The following SPATA18 variants were observed in gnomAD, a reference collection of about 807,000 sequenced individuals.
SPATA18 encodes mitochondria-eating protein.
SPATA18 carries 54 observed loss-of-function variants against 68.1 expected under a neutral mutation model. That is an observed-to-expected ratio of 0.79 (90% confidence interval 0.64 to 0.99). The LOEUF (loss-of-function observed/expected upper bound fraction) is 0.99. SPATA18 is among the 50% of genes least tolerant of loss of function. SPATA18 has a pLI of 0.00. For missense variants in SPATA18, 724 were observed against 681.1 expected (o/e 1.06, Z -0.70); for synonymous variants, 242 against 244.8 (o/e 0.99, Z 0.11).
chr4:52,060,349 C>CTTCT (rs1738721060), intron 1 of SPATA18, 70 bp from the exon 2 acceptor site: 1 of 1,300,430 alleles, frequency 7.7e-7, no homozygotes, highest in South Asian at 1.3e-5. Flanking sequence ...TCAAGTGAGG[C>CTTCT]CCTGGTCTGT....
intron 5 of SPATA18, among the ~76,000 whole-genome samples, chr4:52,070,426 G>A (rs1739707317): frequency 6.6e-6 from 1 of 150,976 alleles, no homozygotes; most frequent in South Asian, 2.1e-4. Flanking sequence ...AATATCAGTT[G>A]AACTGTCAGA....
intron 5 of SPATA18, among the ~76,000 whole-genome samples, chr4:52,070,305 T>C (rs998250360): frequency 6.6e-6 from 1 of 152,110 alleles, no homozygotes; most frequent in Non-Finnish European, 1.5e-5. Context: ...AGAAGTTAGT[T>C]TTAAATAGGT....
Position 52,051,339 on chromosome 4 carries a change from C to T in SPATA18, c.-366C>T, listed in dbSNP as rs950797637. ...TGGGGCGCGCGGCTGTCACCCAGGG[C>T]GGGGCGGCGCGGGCGTTGCCACGAC... On this transcript the variant is annotated 5_prime_UTR_variant, in exon 1 of 13. Transcript: ENST00000295213. 2 of 203,138 alleles carry T rather than the reference C, an allele frequency of 9.8e-6. No homozygotes were observed. Among genetic ancestry groups the T allele is most frequent in the Non-Finnish European group, 9.7e-6 (1 of 103,150 alleles). 12.6% of individuals were successfully genotyped at this position (203,138 alleles called of 1,614,324 possible). A position where few individuals can be genotyped will look rare whatever the true frequency, so the allele number is the denominator to read the frequency against.
rs367825081 is a variant in SPATA18, at chr4:52,058,462, G to A, written c.88-1957G>A. ...CCCATCCAAACTCCATGCCAGGTGC[G>A]AAAGGCTCTCCAGGTCAACTTGCCC... On this transcript the variant is annotated intron_variant, in intron 1 of 12. Coordinates refer to ENST00000295213, the MANE Select transcript of SPATA18 (RefSeq NM_145263.4). Among the ~76,000 whole-genome samples, 561 of 152,266 alleles carry A rather than the reference G, an allele frequency of 3.7e-3. 1 individual carries two copies. The highest frequency in any genetic ancestry group is 0.017 in the Middle Eastern group (5 of 294).
chr4:52,051,872 G>C (rs561094565), intron 1 of SPATA18, 81 bp downstream of exon 1: 6 of 1,340,632 alleles, frequency 4.5e-6, no homozygotes, highest in East Asian at 2.3e-5. Context: ...CTTAGGGCTG[G>C]AGTTGGTGGC....
chr4:52,076,224 G>A (rs1462127204), intron 6 of SPATA18, among the ~76,000 whole-genome samples: 2 of 152,136 alleles, frequency 1.3e-5, no homozygotes, highest in African/African-American at 4.8e-5. Context: ...TAAAGCAGGA[G>A]CAGGCTGAGG....
At chr4:52,092,220 T>C (rs1351446469) in intron 11 of SPATA18, among the ~76,000 whole-genome samples, 2 of 152,052 alleles carry the variant, frequency 1.3e-5, no homozygotes, top group East Asian at 3.9e-4. Flanking sequence ...AGTGAACGGT[T>C]CTGTTTTGCT....
Position 52,062,328 on chromosome 4 carries a change from G to T in SPATA18, c.418G>T (p.Asp140Tyr). 1 of 1,594,296 alleles carries T rather than the reference G, an allele frequency of 6.3e-7. No individual in the cohort carries two copies. Among genetic ancestry groups the T allele is most frequent in the South Asian group, 1.1e-5 (1 of 88,978 alleles). ...STRSQCNQVQDDLVETEKNLE... is the reference protein window; with the variant it reads ...STRSQCNQVQYDLVETEKNLE... ...CCGGAGTCAATGCAACCAGGTTCAAGACGAGTAAGAGGAATGCAAGTTATC... is the reference window on the plus strand; with the variant it reads ...CCGGAGTCAATGCAACCAGGTTCAATACGAGTAAGAGGAATGCAAGTTATC... Residue 140 changes from aspartate (D) to tyrosine (Y), a missense_variant, in exon 4 of 13, where the codon GAC (aspartate) becomes TAC (tyrosine). By Grantham distance (160) the Asp-to-Tyr change is radical. Coordinates refer to ENST00000295213, the MANE Select transcript of SPATA18 (RefSeq NM_145263.4).
At chr4:52,093,811 G>T (rs1220094251) in intron 11 of SPATA18, among the ~76,000 whole-genome samples, 1 of 152,130 alleles carries the variant, frequency 6.6e-6, no homozygotes, top group Non-Finnish European at 1.5e-5. Flanking sequence ...TTAAACTTTA[G>T]ATGAGAATAA....
chr4:52,074,928 AGACAG>A (rs778908649), intron 6 of SPATA18, among the ~76,000 whole-genome samples: 1 of 152,192 alleles, frequency 6.6e-6, no homozygotes, highest in Admixed American at 6.5e-5. Context: ...GAAAAGGAAA[AGACAG>A]GAGCCTGGAA....
rs768443022 is a variant in SPATA18 at position 52,096,034 on chromosome 4, T to G, written c.*1147T>G. ...GACACTGAATTGGCCTCAGCTCAGT[T>G]TTGCATAAGCTTAGTGCCAGAACCA... On this transcript the variant is annotated 3_prime_UTR_variant, in exon 13 of 13. Transcript: ENST00000295213. The G allele has an allele frequency of 3.9e-5, 6 of 152,132 alleles. No individual in the cohort carries two copies. Among genetic ancestry groups the G allele is most frequent in the Non-Finnish European group, 7.3e-5 (5 of 68,032 alleles). 9.4% of individuals were successfully genotyped at this position (152,132 alleles called of 1,614,324 possible).
chr4:52,088,206 G>A (rs1208264027), intron 11 of SPATA18, among the ~76,000 whole-genome samples: 1 of 152,178 alleles, frequency 6.6e-6, no homozygotes, highest in Non-Finnish European at 1.5e-5. Context: ...ATACAATCAT[G>A]TCATCTGCAA....
At chr4:52,082,855 C>A in intron 10 of SPATA18, 1 of 985,266 alleles carries the variant, frequency 1.0e-6, no homozygotes. Flanking sequence ...CACTTAAAAT[C>A]AATTAACTCT....
At chr4:52,063,229 T>C (rs1180498498) in intron 4 of SPATA18, among the ~76,000 whole-genome samples, 2 of 152,212 alleles carry the variant, frequency 1.3e-5, no homozygotes, top group African/African-American at 4.8e-5. Flanking sequence ...TGATGACATT[T>C]CCATTTTTCT....
At chr4:52,091,695 T>G (rs2109539495) in intron 11 of SPATA18, among the ~76,000 whole-genome samples, 1 of 152,294 alleles carries the variant, frequency 6.6e-6, no homozygotes, top group Admixed American at 6.5e-5. Context: ...CGCTCCTGTA[T>G]GAGGTGTCTG....
At chr4:52,084,634 T>C (rs1741257682) in intron 10 of SPATA18, among the ~76,000 whole-genome samples, 1 of 152,182 alleles carries the variant, frequency 6.6e-6, no homozygotes, top group Admixed American at 6.5e-5. Flanking sequence ...CCTATGTAAT[T>C]TCCAATAGCT....
chr4:52,078,654 C>T (rs568403488), intron 7 of SPATA18, 81 bp from the exon 8 acceptor site: 16 of 1,312,180 alleles, frequency 1.2e-5, no homozygotes, highest in Middle Eastern at 2.1e-4. Context: ...TGTTGAAGCT[C>T]GGATTCTTTC....
At chr4:52,083,294 G>A (rs751856908) in intron 10 of SPATA18, 103 of 985,204 alleles carry the variant, frequency 1.0e-4, no homozygotes, top group Admixed American at 1.8e-4. Context: ...CTCTGTTCCT[G>A]TTCTCCTTGA....
At chr4:52,092,347 T>C (rs1479284684) in intron 11 of SPATA18, among the ~76,000 whole-genome samples, 1 of 151,672 alleles carries the variant, frequency 6.6e-6, no homozygotes. Flanking sequence ...CCTGGTGAGG[T>C]AGTCACTGGA....
Sources: gnomAD v4.1 joint callset for allele counts (sites outside exome capture counted in the v4.1 genomes callset) on GRCh38, gnomAD v4.1.1 for gene constraint, MANE v1.5 for transcripts, NCBI Gene and HGNC (gene_info 2026-07-23, HGNC 2026-07-21) for gene names.